Variants in ZC3H12B observed in about 807,000 individuals in gnomAD.
ZC3H12B encodes probable ribonuclease ZC3H12B.
Under a neutral mutation model 43.9 loss-of-function variants are expected in ZC3H12B, and 7 were observed. The observed-to-expected ratio is 0.16, with a 90% CI of 0.09 to 0.30. ZC3H12B has a LOEUF of 0.30. Among genes scored for constraint, ZC3H12B ranks in the 10% least tolerant of loss-of-function variants. The pLI, the probability that ZC3H12B is intolerant of heterozygous loss-of-function variation, is 1.00. For missense variants in ZC3H12B, 475 were observed against 670.2 expected (o/e 0.71, Z 3.22); for synonymous variants, 222 against 241.7 (o/e 0.92, Z 0.76).
At chrX:65,172,369 T>C in the ZC3H12B span, among the ~76,000 whole-genome samples, 1 of 112,034 alleles carries the variant, frequency 8.9e-6, no homozygotes, top group South Asian at 3.7e-4. Flanking sequence ...ATTTTTCCAT[T>C]CTATATGTTG....
chrX:65,267,542 G>A, the ZC3H12B span, among the ~76,000 whole-genome samples: 2 of 110,916 alleles, frequency 1.8e-5, no homozygotes, highest in Middle Eastern at 4.7e-3. Flanking sequence ...CTCAGATATT[G>A]GACTCATTCG....
chrX:65,069,985 G>A, the ZC3H12B span, among the ~76,000 whole-genome samples: 2 of 107,921 alleles, frequency 1.9e-5, no homozygotes, highest in African/African-American at 6.7e-5. Context: ...TGAGTCTTAT[G>A]TTCTTAATTT....
chrX:65,500,621 G>A (rs1322576808), intron 4 of ZC3H12B, among the ~76,000 whole-genome samples: 1 of 110,828 alleles, frequency 9.0e-6, no homozygotes, highest in Non-Finnish European at 1.9e-5. Flanking sequence ...AGAGACGGGG[G>A]TTTCACCATG....
At chrX:65,110,716 T>A in the ZC3H12B span, among the ~76,000 whole-genome samples, 1 of 111,975 alleles carries the variant, frequency 8.9e-6, no homozygotes, top group Admixed American at 9.5e-5. Context: ...TGTTTTAGTT[T>A]CTTTATCTTT....
the ZC3H12B span, among the ~76,000 whole-genome samples, chrX:65,332,993 A>C: frequency 9.0e-6 from 1 of 111,677 alleles, no homozygotes; most frequent in Admixed American, 9.5e-5. Context: ...TCTGTTCCAT[A>C]AGGAATCTCA....
chrX:65,124,716 G>A, the ZC3H12B span, among the ~76,000 whole-genome samples: 1 of 110,292 alleles, frequency 9.1e-6, no homozygotes, highest in African/African-American at 3.3e-5. Flanking sequence ...AATCTAGGAG[G>A]GTTGTGTATT....
intron 3 of ZC3H12B, among the ~76,000 whole-genome samples, chrX:65,433,115 A>T (rs1411877644): frequency 8.9e-6 from 1 of 112,796 alleles, no homozygotes; most frequent in African/African-American, 3.2e-5. Flanking sequence ...AGGTACCAGG[A>T]TATGTGTTCA....
chrX:65,440,734 G>A (rs2067291232), intron 3 of ZC3H12B, among the ~76,000 whole-genome samples: 1 of 112,204 alleles, frequency 8.9e-6, no homozygotes, highest in Non-Finnish European at 1.9e-5. Flanking sequence ...TGCTCCCATA[G>A]GATGTGTAAC....
chrX:65,129,416 TA>T, the ZC3H12B span, among the ~76,000 whole-genome samples: 12 of 108,796 alleles, frequency 1.1e-4, no homozygotes, highest in Non-Finnish European at 2.3e-4. Flanking sequence ...CAAAGGGAGT[TA>T]GGGGTGGGGC....
the ZC3H12B span, among the ~76,000 whole-genome samples, chrX:65,261,697 C>G: frequency 9.1e-6 from 1 of 109,682 alleles, no homozygotes; most frequent in East Asian, 2.8e-4. Context: ...AAAGGCTAAG[C>G]AAAAGATTTA....
the ZC3H12B span, among the ~76,000 whole-genome samples, chrX:65,054,333 C>T: frequency 1.8e-5 from 2 of 111,550 alleles, no homozygotes; most frequent in African/African-American, 6.5e-5. Flanking sequence ...ATATGGCTAG[C>T]CAGTTTTCCC....
the ZC3H12B span, among the ~76,000 whole-genome samples, chrX:65,314,906 T>A: frequency 9.0e-6 from 1 of 111,487 alleles, no homozygotes; most frequent in Non-Finnish European, 1.9e-5. Flanking sequence ...TATATTTTTA[T>A]TTTAGGGGTA....
the ZC3H12B span, among the ~76,000 whole-genome samples, chrX:65,041,914 G>T: frequency 8.9e-6 from 1 of 112,115 alleles, no homozygotes; most frequent in South Asian, 3.7e-4. Context: ...GGAACTTCCA[G>T]TCTGGCTAAC....
chrX:65,438,014 G>T (rs1205245232), intron 3 of ZC3H12B, among the ~76,000 whole-genome samples: 1 of 112,031 alleles, frequency 8.9e-6, no homozygotes, highest in East Asian at 2.8e-4. Flanking sequence ...CCCATTATAT[G>T]TTCTTGACAC....
chrX:65,367,835 C>T (rs1391896353), intron 1 of ZC3H12B, among the ~76,000 whole-genome samples: 2 of 110,899 alleles, frequency 1.8e-5, no homozygotes, highest in Admixed American at 1.9e-4. Flanking sequence ...GCATCCGGCA[C>T]CAAGAAACAA....
At chrX:65,207,744 T>C in the ZC3H12B span, among the ~76,000 whole-genome samples, 1 of 76,293 alleles carries the variant, frequency 1.3e-5, no homozygotes, top group Non-Finnish European at 2.5e-5. Flanking sequence ...GGGGATGGCA[T>C]TGAATCTGTA....
At chrX:65,070,573 G>T in the ZC3H12B span, among the ~76,000 whole-genome samples, 1 of 110,771 alleles carries the variant, frequency 9.0e-6, no homozygotes, top group South Asian at 3.8e-4. Context: ...GGTGTTTAGT[G>T]CTATAAATTT....
At chrX:65,122,383 A>G in the ZC3H12B span, among the ~76,000 whole-genome samples, 3 of 111,344 alleles carry the variant, frequency 2.7e-5, no homozygotes, top group Non-Finnish European at 5.7e-5. Context: ...CTCCTGAAGG[A>G]AGCACTAACA....
the ZC3H12B span, among the ~76,000 whole-genome samples, chrX:65,287,386 G>C: frequency 2.7e-5 from 3 of 111,528 alleles, no homozygotes; most frequent in African/African-American, 9.8e-5. Context: ...AAGAGAAATT[G>C]GGAAGCTATA....
Sources: allele counts gnomAD v4.1 joint callset (sites outside exome capture counted in the v4.1 genomes callset), GRCh38; gene constraint gnomAD v4.1.1; transcripts MANE v1.5; gene names NCBI Gene and HGNC (gene_info 2026-07-23, HGNC 2026-07-21).